The following PRRC1 variants were observed in gnomAD, a reference collection of about 807,000 sequenced individuals.
PRRC1 encodes protein PRRC1.
A neutral mutation model predicts 40.7 loss-of-function variants in PRRC1; 39 were observed. That is an observed-to-expected ratio of 0.96 (90% CI 0.74 to 1.25). The LOEUF (loss-of-function observed/expected upper bound fraction) is 1.25, where lower values mean the gene tolerates loss of function less well. Among genes scored for constraint, PRRC1 ranks in the 50% most tolerant of loss-of-function variants. PRRC1 has a pLI of 0.00. For synonymous variants in PRRC1, 175 were observed against 193.3 expected (o/e 0.91, Z 0.79); for missense variants, 573 against 548.3 (o/e 1.05, Z -0.45).
rs1767972648 is a variant in PRRC1, at chr5:127,539,143, A to G, written c.1025A>G (p.Lys342Arg). 1.2e-6 allele frequency: 2 copies of G among 1,610,500 alleles called. No individual in the cohort carries two copies. Among genetic ancestry groups the G allele is most frequent in the African/African-American group, 2.7e-5 (2 of 74,828 alleles). Residue 342 changes from lysine (K) to arginine (R), a missense_variant and splice_region_variant, in exon 7 of 9, where the codon AAA (lysine) becomes AGA (arginine). Physicochemically the swap from Lys to Arg is conservative, Grantham distance 26. Transcript: ENST00000296666. ...TTCATTGCAGAATTGCTGCCTGACA[A>G]GTAAGTGTATTATGTTTCTCTTGGA... ...ENFIAELLPDKWFDIGCLVVE... is the reference protein window; with the variant it reads ...ENFIAELLPDRWFDIGCLVVE...
intron 6 of PRRC1, 45 bp downstream of exon 6, chr5:127,533,831 A>G: frequency 6.3e-7 from 1 of 1,589,810 alleles, no homozygotes; most frequent in Non-Finnish European, 8.6e-7. Flanking sequence ...ACTGGCATTT[A>G]ATTTTTTCAC....
chr5:127,552,147 G>A lies in PRRC1; in HGVS notation c.*231G>A. ...TTCACCTATCATAGTACTCAAAAAA[G>A]AAAATATACAAATCTATTTACAGCA... is the stretch of plus-strand genomic sequence containing the variant. On this transcript the variant is annotated 3_prime_UTR_variant, in exon 9 of 9. Transcript: ENST00000296666. 1 of 1,317,560 alleles carries A rather than the reference G, an allele frequency of 7.6e-7. No individual in the cohort carries two copies. The highest frequency in any genetic ancestry group is 3.4e-5 in the Admixed American group (1 of 29,320). The allele number at this position is 1,317,560 out of a possible 1,614,324, so 81.6% of individuals were successfully genotyped here. A position where few individuals can be genotyped will look rare whatever the true frequency, so the allele number is the denominator to read the frequency against.
chr5:127,547,405 G>A (rs1159916835), intron 7 of PRRC1, among the ~76,000 whole-genome samples: 1 of 151,938 alleles, frequency 6.6e-6, no homozygotes, highest in African/African-American at 2.4e-5. Context: ...TAACTTAGTT[G>A]AGTACATATT....
chr5:127,518,200 GA>G (rs1165746621), intron 1 of PRRC1, among the ~76,000 whole-genome samples: 1 of 152,230 alleles, frequency 6.6e-6, no homozygotes, highest in Non-Finnish European at 1.5e-5. Flanking sequence ...AGCCTGAGGG[GA>G]AGCCGCTGTC....
intron 4 of PRRC1, among the ~76,000 whole-genome samples, chr5:127,529,539 C>T (rs1767709434): frequency 6.6e-6 from 1 of 152,074 alleles, no homozygotes; most frequent in African/African-American, 2.4e-5. Flanking sequence ...TCATCTTTTC[C>T]TGAGTCACCT....
At chr5:127,530,270 T>C in intron 4 of PRRC1, 24 bp from the exon 5 acceptor site, 1 of 1,598,052 alleles carries the variant, frequency 6.3e-7, no homozygotes, top group Non-Finnish European at 8.6e-7. Context: ...AGTGAATACT[T>C]ACATATTGAT....
chr5:127,539,408 G>A (rs1173140230), intron 7 of PRRC1, among the ~76,000 whole-genome samples: 1 of 152,020 alleles, frequency 6.6e-6, no homozygotes. Flanking sequence ...CTAAGTATAA[G>A]ATGATAGATT....
intron 2 of PRRC1, 24 bp downstream of exon 2, chr5:127,523,606 C>A: frequency 6.9e-7 from 1 of 1,448,868 alleles, no homozygotes; most frequent in South Asian, 1.3e-5. Context: ...TCTAACATCT[C>A]GTGTGTTTTG....
intron 6 of PRRC1, among the ~76,000 whole-genome samples, chr5:127,537,395 A>G (rs1767926944): frequency 6.6e-6 from 1 of 151,910 alleles, no homozygotes; most frequent in South Asian, 2.1e-4. Context: ...TGTAACTCCA[A>G]AAGAGGCCAC....
At chr5:127,539,688 T>C (rs1471356678) in intron 7 of PRRC1, among the ~76,000 whole-genome samples, 1 of 152,168 alleles carries the variant, frequency 6.6e-6, no homozygotes, top group Non-Finnish European at 1.5e-5. Context: ...ATCTACCTTC[T>C]TTTGTATTTG....
At position 127,524,628 on chromosome 5, in the gene PRRC1, G is replaced by T. The variant is rs761130030; in HGVS notation, c.201G>T (p.Arg67Ser). Residue 67 changes from arginine (R) to serine (S), a missense_variant, in exon 3 of 9, where the codon AGG (arginine) becomes AGT (serine). Arg to Ser is a moderately radical substitution (Grantham distance 110). Transcript: ENST00000296666. ...CTCAGCCGCCCCTTCCTCCTGTGAG[G>T]CCTTCAGCACCATTACCTTTTGTGC... ...STPQPPLPPVRPSAPLPFVPP... is the reference protein window; with the variant it reads ...STPQPPLPPVSPSAPLPFVPP... 6 of 1,613,868 alleles carry T rather than the reference G, an allele frequency of 3.7e-6. No homozygotes were observed. In the East Asian group the frequency reaches 1.1e-4, roughly 30 times the overall value.
In PRRC1 at chr5:127,554,430, AT is replaced by A. The variant is rs1416371648; in HGVS notation, c.*2516del. 4 of 152,136 alleles carry A rather than the reference AT, an allele frequency of 2.6e-5. No homozygotes were observed. Among genetic ancestry groups the A allele is most frequent in the Non-Finnish European group, 5.9e-5 (4 of 68,032 alleles). 9.4% of individuals were successfully genotyped at this position (152,136 alleles called of 1,614,324 possible). A position where few individuals can be genotyped will look rare whatever the true frequency, so the allele number is the denominator to read the frequency against. ...TATTGGATTTTGTATTTTAATACAA[AT>A]TATTGAATTTTATAAGCTTGTACAC... is the stretch of plus-strand genomic sequence containing the variant. On this transcript the variant is annotated 3_prime_UTR_variant, in exon 9 of 9. Coordinates refer to ENST00000296666, the MANE Select transcript of PRRC1 (RefSeq NM_130809.5).
chr5:127,534,125 C>T (rs940431327), intron 6 of PRRC1, among the ~76,000 whole-genome samples: 1 of 152,114 alleles, frequency 6.6e-6, no homozygotes, highest in African/African-American at 2.4e-5. Context: ...CTTTTATTAT[C>T]CCTATTGATA....
At chr5:127,521,007 T>C (rs1580926213) in intron 1 of PRRC1, among the ~76,000 whole-genome samples, 1 of 152,188 alleles carries the variant, frequency 6.6e-6, no homozygotes, top group Admixed American at 6.5e-5. Context: ...ACAGTTATGC[T>C]ACCCTCAGCT....
intron 4 of PRRC1, among the ~76,000 whole-genome samples, chr5:127,528,429 C>A (rs1181447448): frequency 3.9e-5 from 6 of 152,120 alleles, no homozygotes; most frequent in Non-Finnish European, 8.8e-5. Context: ...ATTCTCCTAC[C>A]TCAGCCTCCC....
intron 6 of PRRC1, among the ~76,000 whole-genome samples, chr5:127,535,722 T>C (rs1311472587): frequency 6.6e-6 from 1 of 152,200 alleles, no homozygotes; most frequent in Non-Finnish European, 1.5e-5. Flanking sequence ...GCCAGGCACA[T>C]AGACCCTTTA....
At chr5:127,544,542 G>T (rs1016512733) in intron 7 of PRRC1, among the ~76,000 whole-genome samples, 5 of 152,258 alleles carry the variant, frequency 3.3e-5, no homozygotes, top group Non-Finnish European at 7.3e-5. Context: ...CCCAGTTCGA[G>T]CTTCCCGGCT....
In PRRC1 at chr5:127,551,793, G is replaced by C. The variant is rs530121776; in HGVS notation, c.1215G>C (p.Leu405=). 3 of 1,614,132 alleles carry C rather than the reference G, an allele frequency of 1.9e-6. No homozygotes were observed. In the East Asian group the frequency reaches 6.7e-5, roughly 36 times the overall value. ...GTGAAGTCCTGGAAAAGAGTTTACTGAATGTCAGCCGGACTGATTGGCACA... is the reference window on the plus strand; with the variant it reads ...GTGAAGTCCTGGAAAAGAGTTTACTCAATGTCAGCCGGACTGATTGGCACA... ...TVGEVLEKSL[L]NVSRTDWHMA... Residue 405 remains leucine, a synonymous_variant, in exon 9 of 9, where the codon CTG becomes CTC. Coordinates refer to ENST00000296666, the MANE Select transcript of PRRC1 (RefSeq NM_130809.5).
chr5:127,537,168 T>C (rs1767922272), intron 6 of PRRC1, among the ~76,000 whole-genome samples: 2 of 151,886 alleles, frequency 1.3e-5, no homozygotes, highest in African/African-American at 4.8e-5. Context: ...ACAAATATAA[T>C]ATCTATAAGC....
Sources: allele counts gnomAD v4.1 joint callset (sites outside exome capture counted in the v4.1 genomes callset), GRCh38; gene constraint gnomAD v4.1.1; transcripts MANE v1.5; gene names NCBI Gene and HGNC (gene_info 2026-07-23, HGNC 2026-07-21).